Variants in ADAMTSL4 observed in about 807,000 individuals in gnomAD.
ADAMTSL4 encodes the protein ADAMTS like 4.
ADAMTSL4 carries 97 observed loss-of-function variants against 122.8 expected under a neutral mutation model. The ratio of observed to expected loss-of-function variants is 0.79; its 90% CI spans 0.67 to 0.93. The LOEUF (loss-of-function observed/expected upper bound fraction) is 0.93, where lower values mean the gene tolerates loss of function less well. Among genes scored for constraint, ADAMTSL4 ranks in the 40% least tolerant of loss-of-function variants. The pLI is 0.00. For synonymous variants in ADAMTSL4, 592 were observed against 568.0 expected (o/e 1.04, Z -0.60); for missense variants, 1,408 against 1,453.5 (o/e 0.97, Z 0.51).
Position 150,555,719 on chromosome 1 carries a change from GCACA to G in ADAMTSL4, c.1371+164_1371+167del, listed in dbSNP as rs59180838. The stretch of plus-strand genomic sequence containing the variant: ...TATGCGCACAGACACATGCACACAC[GCACA>G]CACACACACGCACACACACGCATAT... On this transcript the variant is annotated intron_variant, in intron 8 of 18. Transcript: ENST00000271643. Among the ~76,000 whole-genome samples, 153 of 147,838 alleles carry G rather than the reference GCACA, an allele frequency of 1.0e-3. 1 individual carries two copies. The highest frequency in any genetic ancestry group is 3.4e-3 in the Middle Eastern group (1 of 290).
In ADAMTSL4 at chr1:150,558,496, C is replaced by T; in HGVS notation, c.2406C>T (p.Gly802=). Residue 802 remains glycine, a synonymous_variant, in exon 15 of 19, where the codon GGC becomes GGT. Coordinates refer to ENST00000271643, the MANE Select transcript of ADAMTSL4 (RefSeq NM_019032.6). ...AGTGCTCCGTGCGGTGCGGCCGGGG[C>T]CAGAGAAGCCGGCAGGTTCGCTGTG... ...WSQCSVRCGR[G]QRSRQVRCVG... 6.2e-7 allele frequency: 1 copy of T among 1,613,708 alleles called. No homozygotes were observed. Among genetic ancestry groups the T allele is most frequent in the Non-Finnish European group, 8.5e-7 (1 of 1,180,002 alleles).
At position 150,557,485 on chromosome 1, in the gene ADAMTSL4, C is replaced by A. The variant is rs1365497641; in HGVS notation, c.2048-9C>A. 1.2e-6 allele frequency: 2 copies of A among 1,613,090 alleles called. No homozygotes were observed. Among genetic ancestry groups the A allele is most frequent in the African/African-American group, 2.7e-5 (2 of 74,940 alleles). ...TCCTGCCTCCCTGGCTGCCTTCTCA[C>A]CCACTCAGGTGTCTGGCGCCCCATT... On this transcript the variant is annotated splice_polypyrimidine_tract_variant and intron_variant, in intron 12 of 18. Transcript: ENST00000271643.
At position 150,560,487 on chromosome 1, in the gene ADAMTSL4, G is replaced by A. The variant is rs587680846; in HGVS notation, c.*291G>A. On this transcript the variant is annotated 3_prime_UTR_variant, in exon 19 of 19. Coordinates refer to ENST00000271643, the MANE Select transcript of ADAMTSL4 (RefSeq NM_019032.6). Reference sequence around the variant, plus strand: ...TTCAAAAAGAGGTTACACAGACTGAGAAGGACAAGACCTGTTTCCTTGAGA... The same window carrying A: ...TTCAAAAAGAGGTTACACAGACTGAAAAGGACAAGACCTGTTTCCTTGAGA... 4 of 493,214 alleles carry A rather than the reference G, an allele frequency of 8.1e-6. No individual in the cohort carries two copies. In the South Asian group the frequency reaches 9.3e-5, roughly 11 times the overall value. The allele number at this position is 493,214 out of a possible 1,614,324, so 30.6% of individuals were successfully genotyped here.
chr1:150,556,481 C>T lies in ADAMTSL4; in HGVS notation c.1576+115C>T, dbSNP rs950550148. 14 of 1,561,408 alleles carry T rather than the reference C, an allele frequency of 9.0e-6. No homozygotes were observed. Among genetic ancestry groups the T allele is most frequent in the Middle Eastern group, 1.7e-4 (1 of 5,972 alleles). On this transcript the variant is annotated intron_variant, in intron 9 of 18. Transcript: ENST00000271643. This position sits in a 1 kb window ranked among gnomAD's most constrained non-coding sequence, Gnocchi z 4.1. ...AAGTCCAGGGCCTAGCCCCTCCCCTCGTGGAAGGAGTGAGGAAGCTGAGAG... is the reference window on the plus strand; with the variant it reads ...AAGTCCAGGGCCTAGCCCCTCCCCTTGTGGAAGGAGTGAGGAAGCTGAGAG...
chr1:150,553,768 C>G lies in ADAMTSL4; in HGVS notation c.777C>G (p.Gly259=). Residue 259 remains glycine, a synonymous_variant, in exon 6 of 19, where the codon GGC becomes GGG. Coordinates refer to ENST00000271643, the MANE Select transcript of ADAMTSL4 (RefSeq NM_019032.6). ...LRHHPRAQAS[G]TEPPSPTHSL... ...ATCACCCCAGAGCCCAGGCCTCTGG[C>G]ACAGAGCCCCCCTCACCCACGCACT... is the stretch of plus-strand genomic sequence containing the variant. 1.2e-6 allele frequency: 2 copies of G among 1,608,176 alleles called. No homozygotes were observed. The highest frequency in any genetic ancestry group is 1.7e-6 in the Non-Finnish European group (2 of 1,174,538).
rs1671760407 is a variant in ADAMTSL4 at position 150,554,223 on chromosome 1, G to A, written c.1131+101G>A. On this transcript the variant is annotated intron_variant, in intron 6 of 18. Transcript: ENST00000271643. The surrounding 1 kb of genome is among the most constrained non-coding windows in gnomAD (Gnocchi z 4.0). ...TTCCGCTTGGCACCTGAGGGAGAAGGGCCTTGGCATCTGACCACCTCAGGG... is the reference window on the plus strand; with the variant it reads ...TTCCGCTTGGCACCTGAGGGAGAAGAGCCTTGGCATCTGACCACCTCAGGG... 4 of 1,484,958 alleles carry A rather than the reference G, an allele frequency of 2.7e-6. No individual in the cohort carries two copies. The highest frequency in any genetic ancestry group is 3.4e-5 in the Admixed American group (2 of 58,486). The allele number at this position is 1,484,958 out of a possible 1,614,324, so 92.0% of individuals were successfully genotyped here. A position where few individuals can be genotyped will look rare whatever the true frequency, so the allele number is the denominator to read the frequency against.
rs765130554 is a variant in ADAMTSL4, at chr1:150,556,730, G to A, written c.1686G>A (p.Arg562=). The A allele has an allele frequency of 8.7e-6, 14 of 1,614,004 alleles. No individual in the cohort carries two copies. In the Admixed American group the frequency reaches 2.2e-4, roughly 25 times the overall value. Residue 562 remains arginine (R), a synonymous_variant, in exon 10 of 19, where the codon AGG becomes AGA. Transcript: ENST00000271643. The surrounding 1 kb of genome is among the most constrained non-coding windows in gnomAD (Gnocchi z 4.1). ...TCTTTCGATATAACCGTCCTCCCAG[G>A]GAGGAGGGCAAAGGGGAGAGTCTGT... ...GTVFRYNRPP[R]EEGKGESLSA...
At position 150,553,869 on chromosome 1, in the gene ADAMTSL4, A is replaced by T. The variant is rs778468439; in HGVS notation, c.878A>T (p.Gln293Leu). Residue 293 changes from glutamine (Q) to leucine (L), a missense_variant, in exon 6 of 19, where the codon CAG becomes CTG. Physicochemically the swap from Gln to Leu is moderately radical, Grantham distance 113 (BLOSUM62 -2). Coordinates refer to ENST00000271643, the MANE Select transcript of ADAMTSL4 (RefSeq NM_019032.6). ...RPSSQGWASPQVAGRRPDPFP... is the reference protein window; with the variant it reads ...RPSSQGWASPLVAGRRPDPFP... ...AGTTCCCAGGGTTGGGCCAGTCCCC[A>T]GGTAGCAGGGAGACGCCCTGATCCT... The T allele has an allele frequency of 6.2e-7, 1 of 1,613,964 alleles. No homozygotes were observed. The highest frequency in any genetic ancestry group is 1.7e-5 in the Admixed American group (1 of 60,022).
In ADAMTSL4 at chr1:150,560,299, A is replaced by T; in HGVS notation, c.*103A>T. 6.6e-7 allele frequency: 1 copy of T among 1,526,190 alleles called. No individual in the cohort carries two copies. The highest frequency in any genetic ancestry group is 1.4e-5 in the African/African-American group (1 of 73,154). The allele number at this position is 1,526,190 out of a possible 1,614,324, so 94.5% of individuals were successfully genotyped here. On this transcript the variant is annotated 3_prime_UTR_variant, in exon 19 of 19. Coordinates refer to ENST00000271643, the MANE Select transcript of ADAMTSL4 (RefSeq NM_019032.6). ...CTCTCCAGCCTGTCCCAGTCTCAGCAGGGATGTCCTCCAGGTGACAGAGGG... is the reference window on the plus strand; with the variant it reads ...CTCTCCAGCCTGTCCCAGTCTCAGCTGGGATGTCCTCCAGGTGACAGAGGG...
In ADAMTSL4 at chr1:150,558,580, C is replaced by G; in HGVS notation, c.2490C>G (p.Pro830=). ...AGTGTGCGTCAGGCCCCCCGCAGCC[C>G]CCCAGCAGAGAGGCCTGTGACATGG... ...EQECASGPPQ[P]PSREACDMGP... is the part of the protein sequence containing the mutation. Residue 830 remains proline, a synonymous_variant, in exon 15 of 19, where the codon CCC becomes CCG. Coordinates refer to ENST00000271643, the MANE Select transcript of ADAMTSL4 (RefSeq NM_019032.6). The G allele has an allele frequency of 6.2e-7, 1 of 1,613,808 alleles. No homozygotes were observed. Among genetic ancestry groups the G allele is most frequent in the Non-Finnish European group, 8.5e-7 (1 of 1,179,876 alleles).
rs761189726 is a variant in ADAMTSL4, at chr1:150,559,149, C to G, written c.2747C>G (p.Thr916Arg). Reference sequence around the variant, plus strand: ...TGTGAGAGAACTTGGCGCTGGTACACAGGGCCCTGGGGTGAGGTAAGCTGA... The same window carrying G: ...TGTGAGAGAACTTGGCGCTGGTACAGAGGGCCCTGGGGTGAGGTAAGCTGA... ...GPCERTWRWY[T>R]GPWGECSSEC... Residue 916 changes from threonine to arginine, a missense_variant, in exon 16 of 19, where the codon ACA (threonine) becomes AGA (arginine). Physicochemically the swap from Thr to Arg is moderately conservative, Grantham distance 71. Coordinates refer to ENST00000271643, the MANE Select transcript of ADAMTSL4 (RefSeq NM_019032.6). The surrounding 1 kb of genome is among the most constrained non-coding windows in gnomAD (Gnocchi z 4.1). The G allele has an allele frequency of 6.2e-7, 1 of 1,612,674 alleles. No individual in the cohort carries two copies. Among genetic ancestry groups the G allele is most frequent in the South Asian group, 1.1e-5 (1 of 91,008 alleles).
At chr1:150,557,833 C>T in intron 13 of ADAMTSL4, 112 bp from the exon 14 acceptor site, 1 of 1,431,268 alleles carries the variant, frequency 7.0e-7, no homozygotes, top group East Asian at 2.5e-5. Context: ...CAAACGTGCC[C>T]ACTCTCCTCT....
chr1:150,550,150 G>C, intron 2 of ADAMTSL4: 2 of 447,782 alleles, frequency 4.5e-6, no homozygotes, highest in Non-Finnish European at 9.0e-6. Flanking sequence ...AGTGTGGAGA[G>C]GTGTGGCCAG....
rs1383697926 is a variant in ADAMTSL4, at chr1:150,559,037, G to A, written c.2635G>A (p.Gly879Ser). 6 of 1,612,320 alleles carry A rather than the reference G, an allele frequency of 3.7e-6. No homozygotes were observed. The highest frequency in any genetic ancestry group is 2.2e-5 in the East Asian group (1 of 44,884). The change falls in exon 16 of 19, where the codon GGC (glycine) becomes AGC (serine). Residue 879 changes from glycine (G) to serine (S), a missense_variant. Physicochemically the swap from Gly to Ser is moderately conservative, Grantham distance 56. Transcript: ENST00000271643. The surrounding 1 kb of genome is among the most constrained non-coding windows in gnomAD (Gnocchi z 4.1). ...TGGGAGTGGGGCAGCCCTCGGGCCA[G>A]GCCAGGGGGAAGCAGGAGCAGGAAC... ...CLGSGAALGP[G>S]QGEAGAGTGQ...
chr1:150,558,894 G>T, intron 15 of ADAMTSL4, 68 bp from the exon 16 acceptor site: 1 of 1,545,620 alleles, frequency 6.5e-7, no homozygotes. Context: ...GTCCCTCCCT[G>T]CCCCCCTACT....
intron 8 of ADAMTSL4, chr1:150,555,895 GCA>G: frequency 1.7e-6 from 1 of 605,292 alleles, no homozygotes; most frequent in Non-Finnish European, 3.0e-6. Flanking sequence ...ACACGTATTT[GCA>G]CAGTCTCAAT....
At chr1:150,550,016 C>A in intron 2 of ADAMTSL4, 121 bp downstream of exon 2, 1 of 275,942 alleles carries the variant, frequency 3.6e-6, no homozygotes, top group South Asian at 3.2e-5. Flanking sequence ...GGAATTCGGA[C>A]TCAGGACAGG....
chr1:150,553,144 G>C lies in ADAMTSL4; in HGVS notation c.325G>C (p.Glu109Gln). ...GGGTCCCAGACCCCAGACTTCTCCA[G>C]AAACCCTCCCCTTGTACAGGACACA... ...GQGPRPQTSP[E>Q]TLPLYRTQSR... The change falls in exon 5 of 19, where the codon GAA becomes CAA. Residue 109 changes from glutamate to glutamine, a missense_variant. Glu to Gln is a conservative substitution (Grantham distance 29). Transcript: ENST00000271643. 3 of 1,612,942 alleles carry C rather than the reference G, an allele frequency of 1.9e-6. No individual in the cohort carries two copies. The highest frequency in any genetic ancestry group is 2.2e-5 in the East Asian group (1 of 44,842).
intron 8 of ADAMTSL4, chr1:150,555,823 G>A (rs587632112): frequency 6.3e-5 from 39 of 617,098 alleles, no homozygotes; most frequent in Middle Eastern, 4.4e-4. Flanking sequence ...GCACACACAC[G>A]TATGCAGACA....
Sources: allele counts gnomAD v4.1 joint callset (sites outside exome capture counted in the v4.1 genomes callset), GRCh38; gene constraint gnomAD v4.1.1; non-coding constraint Gnocchi (gnomAD v3.1); transcripts MANE v1.5; gene names NCBI Gene and HGNC (gene_info 2026-07-23, HGNC 2026-07-21).